The following ARHGAP29 variants were observed in gnomAD, a reference collection of about 807,000 sequenced individuals.
ARHGAP29 encodes the protein rho GTPase-activating protein 29.
ARHGAP29 carries 43 observed loss-of-function variants against 122.6 expected under a neutral mutation model. The ratio of observed to expected loss-of-function variants is 0.35; its 90% CI spans 0.27 to 0.45. The LOEUF is 0.45. Among genes scored for constraint, ARHGAP29 ranks in the 20% least tolerant of loss-of-function variants. The pLI, the probability that ARHGAP29 is intolerant of heterozygous loss-of-function variation, is 1.00. For missense variants in ARHGAP29, 1,303 were observed against 1,477.2 expected (o/e 0.88, Z 1.93); for synonymous variants, 506 against 497.1 (o/e 1.02, Z -0.24).
intron 1 of ARHGAP29, among the ~76,000 whole-genome samples, chr1:94,273,592 T>C (rs1367577480): frequency 1.3e-5 from 2 of 152,338 alleles, no homozygotes; most frequent in Admixed American, 6.5e-5. Context: ...ATATGTAAGA[T>C]AGATAGACAA....
chr1:94,201,005 T>C (rs538771787), intron 12 of ARHGAP29, among the ~76,000 whole-genome samples: 5 of 152,108 alleles, frequency 3.3e-5, no homozygotes, highest in East Asian at 1.9e-4. Context: ...GGACTATACA[T>C]GAAAAAAAGG....
At chr1:94,177,537 C>T (rs1649169180) in intron 22 of ARHGAP29, 75 bp downstream of exon 22, 1 of 1,143,336 alleles carries the variant, frequency 8.7e-7, no homozygotes, top group Non-Finnish European at 1.2e-6. Context: ...TTGCCCCTCA[C>T]CTTGGTTTTA....
At chr1:94,184,787 A>C (rs1041792316) in intron 18 of ARHGAP29, 85 bp downstream of exon 18, 7 of 1,152,460 alleles carry the variant, frequency 6.1e-6, no homozygotes, top group Non-Finnish European at 8.4e-6. Flanking sequence ...ACCCCTGAGC[A>C]TTATTTTCCT....
chr1:94,170,250 T>C lies in ARHGAP29; in HGVS notation c.*3619A>G, dbSNP rs1371630128. Among the ~76,000 whole-genome samples, 2 of 152,206 alleles carry C rather than the reference T, an allele frequency of 1.3e-5. No individual in the cohort carries two copies. The highest frequency in any genetic ancestry group is 2.9e-5 in the Non-Finnish European group (2 of 68,034). On this transcript the variant is annotated 3_prime_UTR_variant, in exon 23 of 23. Coordinates refer to ENST00000260526, the MANE Select transcript of ARHGAP29 (RefSeq NM_004815.4). Reference sequence around the variant, plus strand: ...TATCAGGTATAAGACAAATTGACATTGTGTGCATCCTGGCATGACACATTT... The same window carrying C: ...TATCAGGTATAAGACAAATTGACATCGTGTGCATCCTGGCATGACACATTT...
intron 2 of ARHGAP29, among the ~76,000 whole-genome samples, chr1:94,226,526 CTA>C (rs1652621563): frequency 6.6e-6 from 1 of 152,044 alleles, no homozygotes; most frequent in Admixed American, 6.6e-5. Context: ...CTCCTAATCA[CTA>C]TGATATATTG....
intron 5 of ARHGAP29, among the ~76,000 whole-genome samples, chr1:94,207,741 C>T (rs1478862595): frequency 1.3e-5 from 2 of 151,976 alleles, no homozygotes; most frequent in African/African-American, 4.8e-5. Context: ...ATAACAAATG[C>T]CTTAAATAGT....
the ARHGAP29 span, among the ~76,000 whole-genome samples, chr1:94,296,166 G>A: frequency 1.3e-5 from 2 of 152,142 alleles, no homozygotes; most frequent in Non-Finnish European, 1.5e-5. Flanking sequence ...TGTGCACTAT[G>A]CCAAGTAGCA....
At chr1:94,184,623 G>A (rs1240968217) in intron 18 of ARHGAP29, among the ~76,000 whole-genome samples, 4 of 151,488 alleles carry the variant, frequency 2.6e-5, no homozygotes, top group Admixed American at 6.6e-5. Flanking sequence ...GCGTGGTAGC[G>A]CGTGCCTGTG....
chr1:94,282,399 C>T, the ARHGAP29 span, among the ~76,000 whole-genome samples: 1 of 151,962 alleles, frequency 6.6e-6, no homozygotes, highest in African/African-American at 2.4e-5. Flanking sequence ...GATCCTCCCA[C>T]CTCAGTCTCC....
In ARHGAP29 at chr1:94,173,894, T is replaced by C. The variant is rs759862562; in HGVS notation, c.3761A>G (p.Glu1254Gly). Residue 1254 changes from glutamate to glycine, a missense_variant, in exon 23 of 23, where the codon GAA becomes GGA. By Grantham distance (98) the Glu-to-Gly change is moderately conservative. Around this residue, in one of 3 missense-constraint regions of ARHGAP29, gnomAD observed 620 missense variants for 651.2 expected, o/e 0.95. Transcript: ENST00000260526. ...CTACACAAATTGTGGAATTTCACCT[T>C]CGAGGTCTTCAAACTGTTGCATTCG... Reference protein sequence around the residue: ...LKRMQQFEDLEGEIPQFV With the variant: ...LKRMQQFEDLGGEIPQFV 88 of 1,604,578 alleles carry C rather than the reference T, an allele frequency of 5.5e-5. No homozygotes were observed. The highest frequency in any genetic ancestry group is 7.2e-5 in the Non-Finnish European group (84 of 1,173,634).
At chr1:94,286,494 C>T in the ARHGAP29 span, among the ~76,000 whole-genome samples, 3 of 151,944 alleles carry the variant, frequency 2.0e-5, no homozygotes, top group South Asian at 2.1e-4. Flanking sequence ...ATGGTAAAAC[C>T]CTATCTCTAC....
intron 1 of ARHGAP29, among the ~76,000 whole-genome samples, chr1:94,249,177 A>G: frequency 6.6e-6 from 1 of 152,236 alleles, no homozygotes; most frequent in Middle Eastern, 3.2e-3. Context: ...ATCATCTTAT[A>G]AGCCAACTAG....
chr1:94,312,697 G>C, the ARHGAP29 span, among the ~76,000 whole-genome samples: 5 of 152,004 alleles, frequency 3.3e-5, no homozygotes, highest in African/African-American at 1.2e-4. Flanking sequence ...CTCCCAAAGT[G>C]CTGGGATTAC....
At chr1:94,282,295 ATTT>A in the ARHGAP29 span, among the ~76,000 whole-genome samples, 1 of 131,530 alleles carries the variant, frequency 7.6e-6, no homozygotes, top group African/African-American at 2.9e-5. Flanking sequence ...TTATTTATTT[ATTT>A]ATTTTTGAGA....
intron 12 of ARHGAP29, among the ~76,000 whole-genome samples, chr1:94,196,218 A>T (rs1276585789): frequency 6.6e-6 from 1 of 151,876 alleles, no homozygotes; most frequent in East Asian, 1.9e-4. Context: ...TGATCTTTTC[A>T]AAGAAACAGC....
the ARHGAP29 span, among the ~76,000 whole-genome samples, chr1:94,304,591 A>G: frequency 1.3e-5 from 2 of 152,192 alleles, no homozygotes; most frequent in Admixed American, 6.5e-5. Context: ...CAGAGTTATT[A>G]CTTCGCTGTT....
intron 3 of ARHGAP29, among the ~76,000 whole-genome samples, chr1:94,211,851 C>T (rs1651640972): frequency 6.6e-6 from 1 of 152,082 alleles, no homozygotes. Flanking sequence ...GTGTGCTGCA[C>T]CCATTAACTG....
intron 1 of ARHGAP29, among the ~76,000 whole-genome samples, chr1:94,242,897 T>C (rs540589917): frequency 6.6e-6 from 1 of 152,110 alleles, no homozygotes; most frequent in South Asian, 2.1e-4. Flanking sequence ...ATATTAATCA[T>C]AAGAAAGCCA....
At chr1:94,220,171 A>C (rs1652205675) in intron 3 of ARHGAP29, 87 bp downstream of exon 3, 1 of 1,394,178 alleles carries the variant, frequency 7.2e-7, no homozygotes, top group Admixed American at 2.0e-5. Context: ...CAATGAGAGG[A>C]ATTGGCTATA....
Sources: gnomAD v4.1 joint callset for allele counts (sites outside exome capture counted in the v4.1 genomes callset) on GRCh38, gnomAD v4.1.1 for gene constraint, gnomAD v4.1.1 regional missense constraint, MANE v1.5 for transcripts, NCBI Gene and HGNC (gene_info 2026-07-23, HGNC 2026-07-21) for gene names.